The following LRFN5 variants were observed in gnomAD, a reference collection of about 807,000 sequenced individuals.
The protein encoded by LRFN5 is leucine rich repeat and fibronectin type III domain containing 5.
LRFN5 carries 24 observed loss-of-function variants against 45.6 expected under a neutral mutation model. That is an observed-to-expected ratio of 0.53 (90% CI 0.38 to 0.74). LRFN5 has a LOEUF of 0.74. Among genes scored for constraint, LRFN5 ranks in the 30% least tolerant of loss-of-function variants. LRFN5 has a pLI of 0.00. For synonymous variants in LRFN5, 340 were observed against 313.8 expected, an observed-to-expected ratio of 1.08 and a Z score of -0.88; for missense variants, 776 against 861.5, an observed-to-expected ratio of 0.90 and a Z score of 1.24.
intron 1 of LRFN5, among the ~76,000 whole-genome samples, chr14:41,719,239 C>T (rs1329136134): frequency 1.3e-5 from 2 of 152,032 alleles, no homozygotes; most frequent in Non-Finnish European, 2.9e-5. Context: ...GCTTATATGT[C>T]TATTTATGAA....
At chr14:41,678,385 C>G (rs567764927) in intron 1 of LRFN5, among the ~76,000 whole-genome samples, 1 of 151,670 alleles carries the variant, frequency 6.6e-6, no homozygotes, top group South Asian at 2.1e-4. Flanking sequence ...CAACAGAGGC[C>G]CAAATTTATG....
chr14:41,875,418 C>T (rs981063071), intron 2 of LRFN5, among the ~76,000 whole-genome samples: 1 of 152,236 alleles, frequency 6.6e-6, no homozygotes, highest in African/African-American at 2.4e-5. Flanking sequence ...AGAAAGAACA[C>T]ATTTACCTTC....
At chr14:41,662,537 A>G (rs1880703429) in intron 1 of LRFN5, among the ~76,000 whole-genome samples, 1 of 152,084 alleles carries the variant, frequency 6.6e-6, no homozygotes, top group African/African-American at 2.4e-5. Flanking sequence ...AGTGCAAACA[A>G]GATTTGTCAT....
In LRFN5 at chr14:41,887,247, C is replaced by G; in HGVS notation, c.622C>G (p.Gln208Glu). 1 of 1,614,188 alleles carries G rather than the reference C, an allele frequency of 6.2e-7. No homozygotes were observed. The highest frequency in any genetic ancestry group is 8.5e-7 in the Non-Finnish European group (1 of 1,180,034). The change falls in exon 3 of 6, where the codon CAG becomes GAG. Residue 208 changes from glutamine to glutamate, a missense_variant. Physicochemically the swap from Gln to Glu is conservative, Grantham distance 29 (BLOSUM62 2). This residue lies in a region of LRFN5 where 311 missense variants were observed against 405.1 expected (regional missense o/e 0.77). Transcript: ENST00000298119. This position sits in a 1 kb window ranked among gnomAD's most constrained non-coding sequence, Gnocchi z 4.8. ...TRLDVTSNKL[Q>E]KLPPDPLFQR... Reference sequence around the variant, plus strand: ...GTTAGATGTGACATCAAATAAATTGCAGAAGCTACCACCTGACCCTCTCTT... The same window carrying G: ...GTTAGATGTGACATCAAATAAATTGGAGAAGCTACCACCTGACCCTCTCTT...
At chr14:41,651,625 A>G (rs1181405439) in intron 1 of LRFN5, among the ~76,000 whole-genome samples, 1 of 152,188 alleles carries the variant, frequency 6.6e-6, no homozygotes, top group African/African-American at 2.4e-5. Flanking sequence ...AAAAATAGAC[A>G]TTCAAATACT....
At chr14:41,703,769 A>G (rs1458910709) in intron 1 of LRFN5, among the ~76,000 whole-genome samples, 2 of 152,194 alleles carry the variant, frequency 1.3e-5, no homozygotes, top group African/African-American at 4.8e-5. Context: ...TGATAGTGTC[A>G]GGTGGTACAA....
intron 1 of LRFN5, among the ~76,000 whole-genome samples, chr14:41,681,003 C>T (rs1024629482): frequency 2.0e-5 from 3 of 151,884 alleles, no homozygotes; most frequent in African/African-American, 7.3e-5. Flanking sequence ...AGTCTCTTAA[C>T]AGCCAAATTG....
At chr14:41,779,470 A>C (rs936065179) in intron 2 of LRFN5, among the ~76,000 whole-genome samples, 41 of 151,874 alleles carry the variant, frequency 2.7e-4, no homozygotes, top group African/African-American at 8.7e-4. Context: ...TTTTATTATT[A>C]GGCTAATGCT....
intron 2 of LRFN5, among the ~76,000 whole-genome samples, chr14:41,808,370 GA>G (rs1887604153): frequency 8.6e-6 from 1 of 115,886 alleles, no homozygotes; most frequent in African/African-American, 3.4e-5. Flanking sequence ...AGGAAGGAAG[GA>G]AGGGAAAGAA....
At chr14:41,732,797 G>A (rs542259396) in intron 1 of LRFN5, among the ~76,000 whole-genome samples, 116 of 151,316 alleles carry the variant, frequency 7.7e-4, no homozygotes, top group African/African-American at 2.3e-3. Flanking sequence ...AAAAAAATCT[G>A]TATTAAAAAT....
intron 1 of LRFN5, among the ~76,000 whole-genome samples, chr14:41,631,088 G>A (rs189825085): frequency 1.4e-3 from 212 of 152,100 alleles, no homozygotes; most frequent in Non-Finnish European, 2.6e-3. Context: ...AAAACCTCTA[G>A]AGGTCCCTCA....
At chr14:41,886,280 A>G (rs1479584437) in intron 2 of LRFN5, among the ~76,000 whole-genome samples, 3 of 152,076 alleles carry the variant, frequency 2.0e-5, no homozygotes, top group Non-Finnish European at 4.4e-5. Context: ...CAGGCCTACA[A>G]TCTCGGCTGT....
chr14:41,754,164 G>A (rs983921365), intron 1 of LRFN5, among the ~76,000 whole-genome samples: 14 of 152,232 alleles, frequency 9.2e-5, no homozygotes, highest in Non-Finnish European at 1.6e-4. Flanking sequence ...GATTCGGTTT[G>A]CCAGTATTTT....
At chr14:41,699,090 T>C (rs1372792986) in intron 1 of LRFN5, among the ~76,000 whole-genome samples, 1 of 152,108 alleles carries the variant, frequency 6.6e-6, no homozygotes, top group Non-Finnish European at 1.5e-5. Flanking sequence ...TTGTAGAATT[T>C]TTTTTCATTT....
intron 2 of LRFN5, among the ~76,000 whole-genome samples, chr14:41,809,533 T>G (rs1887668399): frequency 6.6e-6 from 1 of 151,888 alleles, no homozygotes; most frequent in Admixed American, 6.6e-5. Flanking sequence ...CTTCAAAATT[T>G]TAATTAAAAT....
chr14:41,894,287 A>T (rs563268626), intron 4 of LRFN5: 1 of 951,590 alleles, frequency 1.1e-6, no homozygotes, highest in Non-Finnish European at 1.3e-6. Context: ...TCAATTGCCT[A>T]CTTATGTTTC....
At chr14:41,766,645 A>G (rs1885893854) in intron 1 of LRFN5, among the ~76,000 whole-genome samples, 1 of 152,220 alleles carries the variant, frequency 6.6e-6, no homozygotes, top group Non-Finnish European at 1.5e-5. Flanking sequence ...TTCAAAAAGG[A>G]AAGGAGAATG....
chr14:41,681,830 T>TATTTATTTATTTA (rs200707941), intron 1 of LRFN5, among the ~76,000 whole-genome samples: 4 of 84,948 alleles, frequency 4.7e-5, no homozygotes, highest in African/African-American at 1.1e-4. Flanking sequence ...ATTTATTTTT[T>TATTTATTTATTTA]TTTTTTGTGA....
Position 41,849,139 on chromosome 14 carries a change from C to A in LRFN5, c.-20-37467C>A, listed in dbSNP as rs369449186. 2.0e-5 allele frequency among the ~76,000 whole-genome samples: 3 copies of A among 152,116 alleles called. No homozygotes were observed. The East Asian group carries it at 5.8e-4, about 29-fold the overall frequency. ...TGGCATGAAATTCTATACATTCTTA[C>A]ACTATAAAGTAACAAATTTTACTTC... is the stretch of plus-strand genomic sequence containing the variant. On this transcript the variant is annotated intron_variant, in intron 2 of 5. Coordinates refer to ENST00000298119, the MANE Select transcript of LRFN5 (RefSeq NM_152447.5).
Sources: gnomAD v4.1 joint callset for allele counts (sites outside exome capture counted in the v4.1 genomes callset) on GRCh38, gnomAD v4.1.1 for gene constraint, gnomAD v4.1.1 regional missense constraint, Gnocchi (gnomAD v3.1) non-coding constraint, MANE v1.5 for transcripts, NCBI Gene and HGNC (gene_info 2026-07-23, HGNC 2026-07-21) for gene names.